The following MTTP variants were observed in gnomAD, a reference collection of about 807,000 sequenced individuals.
The protein encoded by MTTP is microsomal triglyceride transfer protein large subunit.
MTTP carries 49 observed loss-of-function variants against 90.6 expected under a neutral mutation model. That is an observed-to-expected ratio of 0.54 (90% confidence interval 0.43 to 0.69). The LOEUF (loss-of-function observed/expected upper bound fraction) is 0.69. Among genes scored for constraint, MTTP ranks in the 30% least tolerant of loss-of-function variants. MTTP has a pLI of 0.00. For missense variants in MTTP, 945 were observed against 1,067.5 expected (o/e 0.89, Z 1.60); for synonymous variants, 347 against 384.2 (o/e 0.90, Z 1.13).
In MTTP at chr4:99,600,716, C is replaced by A. The variant is rs776556356; in HGVS notation, c.1219C>A (p.Leu407Ile). Reference protein sequence around the residue: ...CGFASHPNEELLRALISKFKG... With the variant: ...CGFASHPNEEILRALISKFKG... ...ATTTGCTTCTCATCCCAATGAAGAA[C>A]TCCTGAGAGCCCTCATTGTAAGTCA... Residue 407 changes from leucine to isoleucine, a missense_variant, in exon 9 of 18, where the codon CTC (leucine) becomes ATC (isoleucine). Leu to Ile is a conservative substitution (Grantham distance 5, BLOSUM62 2). Coordinates refer to ENST00000265517, the MANE Select transcript of MTTP (RefSeq NM_001386140.1). 2 of 1,613,656 alleles carry A rather than the reference C, an allele frequency of 1.2e-6. No homozygotes were observed. Among genetic ancestry groups the A allele is most frequent in the South Asian group, 2.2e-5 (2 of 91,080 alleles).
chr4:99,598,201 A>G (rs1725604789), intron 8 of MTTP, among the ~76,000 whole-genome samples: 1 of 152,248 alleles, frequency 6.6e-6, no homozygotes, highest in African/African-American at 2.4e-5. Context: ...TAAATAAACC[A>G]GAAATTGAAA....
intron 15 of MTTP, among the ~76,000 whole-genome samples, chr4:99,614,201 C>A (rs1485393736): frequency 1.3e-5 from 2 of 152,114 alleles, no homozygotes; most frequent in Non-Finnish European, 2.9e-5. Flanking sequence ...TGCTCTTGGG[C>A]AGTTACTTAA....
At chr4:99,594,260 TTCAAGGA>T (rs1725496693) in intron 6 of MTTP, among the ~76,000 whole-genome samples, 1 of 152,166 alleles carries the variant, frequency 6.6e-6, no homozygotes, top group Admixed American at 6.6e-5. Context: ...CCTACCCAGG[TTCAAGGA>T]GAGGGATGTA....
At chr4:99,578,905 A>G (rs1339251094) in intron 1 of MTTP, among the ~76,000 whole-genome samples, 3 of 152,208 alleles carry the variant, frequency 2.0e-5, no homozygotes, top group Admixed American at 2.0e-4. Flanking sequence ...TTTATGCCCT[A>G]TGTGGAATTT....
intron 15 of MTTP, among the ~76,000 whole-genome samples, chr4:99,614,215 C>A (rs921909337): frequency 3.3e-5 from 5 of 152,112 alleles, no homozygotes; most frequent in African/African-American, 1.2e-4. Context: ...TACTTAATAG[C>A]CTTAAGCCAC....
intron 2 of MTTP, 150 bp downstream of exon 2, chr4:99,582,242 G>A (rs1485412186): frequency 7.2e-6 from 6 of 833,974 alleles, no homozygotes; most frequent in Middle Eastern, 3.5e-4. Context: ...TGTATTTAAA[G>A]GTTTTGCTGA....
intron 3 of MTTP, among the ~76,000 whole-genome samples, chr4:99,587,522 TGCAC>T (rs1163021749): frequency 6.6e-6 from 1 of 152,152 alleles, no homozygotes; most frequent in Non-Finnish European, 1.5e-5. Context: ...CTGAACCTTA[TGCAC>T]AGTCCAAAGA....
At chr4:99,607,708 GC>G (rs1725850028) in intron 11 of MTTP, among the ~76,000 whole-genome samples, 1 of 152,156 alleles carries the variant, frequency 6.6e-6, no homozygotes, top group Admixed American at 6.5e-5. Context: ...GTTACTTGTT[GC>G]TATGGAATGC....
chr4:99,612,138 T>C (rs1725971716), intron 14 of MTTP, among the ~76,000 whole-genome samples: 1 of 152,238 alleles, frequency 6.6e-6, no homozygotes, highest in African/African-American at 2.4e-5. Flanking sequence ...GATCCAATGC[T>C]ATAAAAACTT....
intron 10 of MTTP, among the ~76,000 whole-genome samples, chr4:99,606,292 CA>C (rs1411885729): frequency 6.6e-6 from 1 of 152,124 alleles, no homozygotes; most frequent in Non-Finnish European, 1.5e-5. Flanking sequence ...TAAGTGAAAA[CA>C]AACACTTTTA....
chr4:99,613,564 T>C (rs1047751102), intron 15 of MTTP, among the ~76,000 whole-genome samples: 8 of 152,184 alleles, frequency 5.3e-5, no homozygotes, highest in Non-Finnish European at 1.0e-4. Context: ...CAGTGCATCA[T>C]TTTGACCCTG....
intron 3 of MTTP, 83 bp downstream of exon 3, chr4:99,583,600 A>T: frequency 6.8e-7 from 1 of 1,469,696 alleles, no homozygotes; most frequent in Non-Finnish European, 9.5e-7. Context: ...TGAGGTAATC[A>T]CATTGTAACT....
At chr4:99,565,232 T>C (rs577108516) in intron 1 of MTTP, among the ~76,000 whole-genome samples, 94 of 152,350 alleles carry the variant, frequency 6.2e-4, no homozygotes, top group African/African-American at 2.2e-3. Flanking sequence ...ATCTGTTTTA[T>C]AAATAATTAT....
intron 3 of MTTP, chr4:99,584,317 CAG>C (rs1725203615): frequency 6.6e-6 from 1 of 151,902 alleles, no homozygotes; most frequent in East Asian, 1.9e-4. Context: ...AGCAGGAAAA[CAG>C]AAAGGGAACA....
chr4:99,592,509 A>T (rs1029896508), intron 6 of MTTP, among the ~76,000 whole-genome samples: 1 of 151,416 alleles, frequency 6.6e-6, no homozygotes, highest in African/African-American at 2.4e-5. Flanking sequence ...GCTTTTTTCT[A>T]TTTTTAAATT....
intron 3 of MTTP, among the ~76,000 whole-genome samples, chr4:99,587,746 TC>T (rs1490386076): frequency 6.6e-6 from 1 of 152,158 alleles, no homozygotes; most frequent in Admixed American, 6.6e-5. Context: ...AGTGAACACT[TC>T]TGACTATTTT....
At chr4:99,594,911 C>G in intron 7 of MTTP, 28 bp downstream of exon 7, 7 of 1,611,182 alleles carry the variant, frequency 4.3e-6, no homozygotes, top group Non-Finnish European at 5.9e-6. Flanking sequence ...TGGGAATAAT[C>G]ATGACATCAG....
chr4:99,589,863 T>G, intron 4 of MTTP, 113 bp downstream of exon 4: 1 of 772,668 alleles, frequency 1.3e-6, no homozygotes. Flanking sequence ...AAAAGGTGAC[T>G]TGTGTAGTGA....
chr4:99,585,978 C>T (rs1427349854), intron 3 of MTTP, among the ~76,000 whole-genome samples: 3 of 152,096 alleles, frequency 2.0e-5, no homozygotes, highest in Non-Finnish European at 2.9e-5. Context: ...TATGGACAGG[C>T]AGAGTAAGGC....
Sources: gnomAD v4.1 joint callset for allele counts (sites outside exome capture counted in the v4.1 genomes callset) on GRCh38, gnomAD v4.1.1 for gene constraint, MANE v1.5 for transcripts, NCBI Gene and HGNC (gene_info 2026-07-23, HGNC 2026-07-21) for gene names.